The following DIP2C variants were observed in gnomAD, a reference collection of about 807,000 sequenced individuals.
The protein encoded by DIP2C is DIP2 acetate--CoA ligase C (putative), also known as disco-interacting protein 2 homolog C.
A neutral mutation model predicts 192.4 loss-of-function variants in DIP2C; 33 were observed. That is an observed-to-expected ratio of 0.17 (90% CI 0.13 to 0.23). DIP2C has a LOEUF of 0.23. Among genes scored for constraint, DIP2C ranks in the 10% least tolerant of loss-of-function variants. DIP2C has a pLI of 1.00. For synonymous variants in DIP2C, 979 were observed against 864.1 expected (o/e 1.13, Z -2.33); for missense variants, 1,537 against 2,110.1 (o/e 0.73, Z 5.32).
chr10:595,575 T>TG (rs1851653337), intron 1 of DIP2C, among the ~76,000 whole-genome samples: 1 of 151,974 alleles, frequency 6.6e-6, no homozygotes, highest in Admixed American at 6.5e-5. Flanking sequence ...GCATCTACCT[T>TG]GAAGCCTTTT....
At chr10:335,261 C>G (rs1054382034) in intron 29 of DIP2C, among the ~76,000 whole-genome samples, 3 of 152,282 alleles carry the variant, frequency 2.0e-5, no homozygotes, top group South Asian at 2.1e-4. Flanking sequence ...TGTACAAGTA[C>G]GTTTAAAATA....
At chr10:445,054 G>A (rs1564720351) in intron 3 of DIP2C, among the ~76,000 whole-genome samples, 1 of 152,228 alleles carries the variant, frequency 6.6e-6, no homozygotes, top group Non-Finnish European at 1.5e-5. Flanking sequence ...GATCCAGCCT[G>A]TCATATCTTC....
chr10:487,724 C>A (rs1011865215), intron 1 of DIP2C, among the ~76,000 whole-genome samples: 15 of 151,918 alleles, frequency 9.9e-5, no homozygotes, highest in African/African-American at 3.1e-4. Context: ...ACTACAGGCG[C>A]TGGCCACCAC....
chr10:499,425 TCA>T (rs1187547152), intron 1 of DIP2C, among the ~76,000 whole-genome samples: 5 of 152,194 alleles, frequency 3.3e-5, no homozygotes, highest in Admixed American at 1.3e-4. Context: ...TTTGATTGAC[TCA>T]CAGTTACACA....
intron 14 of DIP2C, 46 bp from the exon 15 acceptor site, chr10:384,685 C>T (rs753899185): frequency 6.3e-7 from 1 of 1,590,992 alleles, no homozygotes; most frequent in South Asian, 1.1e-5. Context: ...GAGGGGCACG[C>T]AGAGGAGCAG....
At chr10:354,527 G>A (rs750694077) in intron 24 of DIP2C, among the ~76,000 whole-genome samples, 90 of 152,102 alleles carry the variant, frequency 5.9e-4, no homozygotes, top group Non-Finnish European at 1.1e-3. Flanking sequence ...GAATCTTTGC[G>A]TATATGGGGG....
chr10:633,693 A>G (rs1037792897), intron 1 of DIP2C, among the ~76,000 whole-genome samples: 3 of 152,254 alleles, frequency 2.0e-5, no homozygotes, highest in South Asian at 2.1e-4. Context: ...TCCCAGTAAC[A>G]GGCTAGATTA....
chr10:527,168 A>T (rs974192678), intron 1 of DIP2C, among the ~76,000 whole-genome samples: 2 of 152,148 alleles, frequency 1.3e-5, no homozygotes, highest in Non-Finnish European at 2.9e-5. Flanking sequence ...TCAGCTCACA[A>T]AGGCCCCGTA....
intron 1 of DIP2C, among the ~76,000 whole-genome samples, chr10:540,548 T>G (rs907756670): frequency 2.0e-5 from 3 of 152,244 alleles, no homozygotes; most frequent in Non-Finnish European, 4.4e-5. Context: ...CAATCTGTAG[T>G]GCTTACCAGA....
Position 633,460 on chromosome 10 carries a change from G to A in DIP2C, c.85+56034C>T, listed in dbSNP as rs551544832. ...GACGCGGGGAGTCCGAGGTGGTGCC[G>A]TAGAGTGGATGGGGAGAGTTCGAGC... On this transcript the variant is annotated intron_variant, in intron 1 of 36. Transcript: ENST00000280886. 2.6e-5 allele frequency among the ~76,000 whole-genome samples: 4 copies of A among 152,316 alleles called. No individual in the cohort carries two copies. In the East Asian group the frequency reaches 7.7e-4, roughly 29 times the overall value.
intron 4 of DIP2C, among the ~76,000 whole-genome samples, chr10:428,357 T>A (rs1966731473): frequency 6.6e-6 from 1 of 152,188 alleles, no homozygotes; most frequent in African/African-American, 2.4e-5. Context: ...TAACATATTC[T>A]CTCAGCTTTC....
At chr10:463,892 G>T (rs537903461) in intron 3 of DIP2C, among the ~76,000 whole-genome samples, 1 of 152,078 alleles carries the variant, frequency 6.6e-6, no homozygotes, top group Non-Finnish European at 1.5e-5. Flanking sequence ...CAAGCAATGG[G>T]GAAATTATTC....
intron 1 of DIP2C, among the ~76,000 whole-genome samples, chr10:572,559 T>A (rs887131861): frequency 2.0e-5 from 3 of 152,220 alleles, no homozygotes; most frequent in Non-Finnish European, 4.4e-5. Context: ...TTTTCTATTA[T>A]TTGTCACTTT....
chr10:574,527 T>C (rs753572385), intron 1 of DIP2C, among the ~76,000 whole-genome samples: 18 of 149,894 alleles, frequency 1.2e-4, no homozygotes, highest in Non-Finnish European at 2.1e-4. Flanking sequence ...GGTACATGTA[T>C]TAGTGATCGT....
At chr10:351,253 C>T (rs151124970) in intron 24 of DIP2C, among the ~76,000 whole-genome samples, 4 of 152,284 alleles carry the variant, frequency 2.6e-5, no homozygotes, top group Non-Finnish European at 5.9e-5. Context: ...CCTCCCAGCT[C>T]GAAGGGCCCG....
At chr10:595,641 C>T (rs1052405906) in intron 1 of DIP2C, among the ~76,000 whole-genome samples, 4 of 152,132 alleles carry the variant, frequency 2.6e-5, no homozygotes, top group African/African-American at 9.7e-5. Flanking sequence ...TCCATCTACA[C>T]AGGGACATCG....
intron 32 of DIP2C, among the ~76,000 whole-genome samples, chr10:292,593 C>A (rs571406493): frequency 4.6e-5 from 7 of 152,216 alleles, no homozygotes; most frequent in Non-Finnish European, 1.0e-4. Context: ...AAGGCTGAAG[C>A]CCTGATGGCG....
Position 419,143 on chromosome 10 carries a change from C to G in DIP2C, c.661G>C (p.Val221Leu), listed in dbSNP as rs376449380. ...TTYTSEHSIQ[V>L]ERPQGSTGSR... ...CCCGTGGAACCCTGCGGTCTCTCCA[C>G]CTGTATCGAGTGCTCTGAGGTGTAC... Residue 221 changes from valine (V) to leucine (L), a missense_variant, in exon 6 of 37, where the codon GTG becomes CTG. Physicochemically the swap from Val to Leu is conservative, Grantham distance 32 (BLOSUM62 1). This residue lies in a region of DIP2C where 473 missense variants were observed against 539.6 expected (regional missense o/e 0.88). Transcript: ENST00000280886. The G allele has an allele frequency of 2.8e-5, 46 of 1,614,126 alleles. 1 individual carries two copies. In the African/African-American group the frequency reaches 5.9e-4, roughly 21 times the overall value.
intron 17 of DIP2C, among the ~76,000 whole-genome samples, chr10:375,800 C>T (rs529708705): frequency 6.6e-6 from 1 of 152,344 alleles, no homozygotes; most frequent in South Asian, 2.1e-4. Context: ...GAGAGCCACA[C>T]TGCACCTGCA....
Sources: gnomAD v4.1 joint callset for allele counts (sites outside exome capture counted in the v4.1 genomes callset) on GRCh38, gnomAD v4.1.1 for gene constraint, gnomAD v4.1.1 regional missense constraint, MANE v1.5 for transcripts, NCBI Gene and HGNC (gene_info 2026-07-23, HGNC 2026-07-21) for gene names.